The following NCAM2 variants were observed in gnomAD, a reference collection of about 807,000 sequenced individuals.
NCAM2 encodes the protein neural cell adhesion molecule 2, also known as N-CAM-2.
A neutral mutation model predicts 98.1 loss-of-function variants in NCAM2; 30 were observed. The observed-to-expected ratio is 0.31, with a 90% CI of 0.23 to 0.41. The LOEUF (loss-of-function observed/expected upper bound fraction) is 0.41. Among genes scored for constraint, NCAM2 ranks in the 10% least tolerant of loss-of-function variants. The probability of loss-of-function intolerance (pLI) is 1.00; values close to 1 mark genes in which losing one functional copy is unlikely to be tolerated. For synonymous variants in NCAM2, 368 were observed against 342.4 expected, an observed-to-expected ratio of 1.07 and a Z score of -0.83; for missense variants, 867 against 1,005.8, an observed-to-expected ratio of 0.86 and a Z score of 1.87.
chr21:21,485,483 G>C (rs1986270168), intron 15 of NCAM2, among the ~76,000 whole-genome samples: 1 of 152,148 alleles, frequency 6.6e-6, no homozygotes, highest in Admixed American at 6.5e-5. Flanking sequence ...GGAAGAAATT[G>C]AGATTGGAAC....
At chr21:21,385,180 A>G (rs887727013) in intron 9 of NCAM2, among the ~76,000 whole-genome samples, 1 of 152,030 alleles carries the variant, frequency 6.6e-6, no homozygotes, top group Admixed American at 6.6e-5. Context: ...CTGGTTTGTT[A>G]TTAGATATTT....
intron 12 of NCAM2, among the ~76,000 whole-genome samples, chr21:21,462,309 A>C (rs1402599187): frequency 1.3e-5 from 2 of 152,114 alleles, no homozygotes; most frequent in Non-Finnish European, 2.9e-5. Context: ...CCCCATGAAG[A>C]GAGCCAGGGT....
chr21:21,165,731 C>A (rs1358157325), intron 1 of NCAM2, among the ~76,000 whole-genome samples: 1 of 152,138 alleles, frequency 6.6e-6, no homozygotes, highest in Non-Finnish European at 1.5e-5. Flanking sequence ...ATATTTTAAT[C>A]ACATTTATAT....
At chr21:21,056,517 T>C (rs143795181) in intron 1 of NCAM2, among the ~76,000 whole-genome samples, 6,109 of 148,750 alleles carry the variant, frequency 0.041, 145 homozygotes, top group East Asian at 0.09. Flanking sequence ...TGTGTGTGTG[T>C]GTGTGTGCAT....
intron 1 of NCAM2, among the ~76,000 whole-genome samples, chr21:21,158,449 A>G (rs1601526490): frequency 2.0e-5 from 3 of 152,060 alleles, no homozygotes; most frequent in African/African-American, 4.8e-5. Flanking sequence ...CGTCTCTACT[A>G]AAAATACAAA....
intron 14 of NCAM2, 135 bp from the exon 15 acceptor site, chr21:21,477,156 A>T: frequency 1.9e-6 from 1 of 530,896 alleles, no homozygotes; most frequent in East Asian, 3.2e-5. Context: ...CAGCAACTTC[A>T]TGTATCCCTG....
intron 1 of NCAM2, among the ~76,000 whole-genome samples, chr21:21,199,113 A>G (rs553969729): frequency 1.3e-5 from 2 of 152,170 alleles, no homozygotes; most frequent in East Asian, 3.9e-4. Flanking sequence ...CGATATCCCT[A>G]TTTTCATTTA....
intron 6 of NCAM2, among the ~76,000 whole-genome samples, chr21:21,324,810 C>T (rs1242147183): frequency 6.6e-6 from 1 of 152,030 alleles, no homozygotes; most frequent in Admixed American, 6.6e-5. Context: ...ATTATCATTA[C>T]AATTTATCTT....
intron 9 of NCAM2, among the ~76,000 whole-genome samples, chr21:21,405,496 G>A (rs979638928): frequency 1.3e-5 from 2 of 152,068 alleles, no homozygotes; most frequent in Non-Finnish European, 2.9e-5. Flanking sequence ...AAAATAAAAA[G>A]TATAATTTAA....
At chr21:21,149,450 C>T (rs988458003) in intron 1 of NCAM2, among the ~76,000 whole-genome samples, 2 of 152,026 alleles carry the variant, frequency 1.3e-5, no homozygotes, top group Non-Finnish European at 1.5e-5. Flanking sequence ...GCAGAATGTG[C>T]AGGTTTGTTA....
chr21:21,385,502 C>T, intron 9 of NCAM2: 1 of 513,178 alleles, frequency 1.9e-6, no homozygotes, highest in Non-Finnish European at 3.5e-6. Context: ...AAGAGTCAAA[C>T]CATTTATAAT....
At chr21:21,344,603 C>T (rs1190383593) in intron 8 of NCAM2, among the ~76,000 whole-genome samples, 2 of 152,066 alleles carry the variant, frequency 1.3e-5, no homozygotes, top group Admixed American at 1.3e-4. Context: ...GCCAGATCAG[C>T]CACAGTACCA....
At chr21:21,458,223 G>A (rs1173535513) in intron 12 of NCAM2, among the ~76,000 whole-genome samples, 1 of 152,220 alleles carries the variant, frequency 6.6e-6, no homozygotes, top group African/African-American at 2.4e-5. Context: ...CTGGTCTCGG[G>A]TAGGACATGG....
intron 15 of NCAM2, among the ~76,000 whole-genome samples, chr21:21,499,062 T>C (rs1423488433): frequency 1.3e-5 from 2 of 152,094 alleles, no homozygotes; most frequent in Non-Finnish European, 2.9e-5. Context: ...ATTAGGAATA[T>C]AGCAATGACC....
chr21:21,531,393 G>T (rs1235948165), intron 16 of NCAM2, among the ~76,000 whole-genome samples: 1 of 152,128 alleles, frequency 6.6e-6, no homozygotes, highest in Non-Finnish European at 1.5e-5. Context: ...AACACTGATT[G>T]AGTGTGGCAC....
intron 1 of NCAM2, among the ~76,000 whole-genome samples, chr21:21,256,053 A>G (rs1285973190): frequency 6.6e-6 from 1 of 152,150 alleles, no homozygotes; most frequent in Non-Finnish European, 1.5e-5. Context: ...TAGAATGGAG[A>G]TATAAAAAAT....
intron 1 of NCAM2, among the ~76,000 whole-genome samples, chr21:21,248,269 A>T (rs971927545): frequency 2.4e-4 from 37 of 152,164 alleles, no homozygotes; most frequent in Non-Finnish European, 7.4e-5. Context: ...TATAAAAGTA[A>T]CCCGAATTAT....
intron 6 of NCAM2, among the ~76,000 whole-genome samples, chr21:21,334,820 T>A (rs1442268580): frequency 1.3e-5 from 2 of 152,012 alleles, no homozygotes; most frequent in African/African-American, 4.8e-5. Context: ...CAACTTAGAC[T>A]AGAATGGAGC....
At chr21:21,234,971 A>G (rs775747171) in intron 1 of NCAM2, among the ~76,000 whole-genome samples, 3 of 152,068 alleles carry the variant, frequency 2.0e-5, no homozygotes, top group Non-Finnish European at 4.4e-5. Flanking sequence ...TTATAATGGC[A>G]TAATGTCTGC....
Sources: allele counts gnomAD v4.1 joint callset (sites outside exome capture counted in the v4.1 genomes callset), GRCh38; gene constraint gnomAD v4.1.1; transcripts MANE v1.5; gene names NCBI Gene and HGNC (gene_info 2026-07-23, HGNC 2026-07-21).